Variants in PTPRD observed in about 807,000 individuals in gnomAD.
PTPRD encodes the protein receptor-type tyrosine-protein phosphatase delta.
PTPRD carries 34 observed loss-of-function variants against 214.5 expected under a neutral mutation model. The ratio of observed to expected loss-of-function variants is 0.16; its 90% confidence interval spans 0.12 to 0.21. The LOEUF (loss-of-function observed/expected upper bound fraction) is 0.21, where lower values mean the gene tolerates loss of function less well. Among genes scored for constraint, PTPRD ranks in the 10% least tolerant of loss-of-function variants. The pLI, the probability that PTPRD is intolerant of heterozygous loss-of-function variation, is 1.00. For missense variants in PTPRD, 2,545 were observed against 2,398.7 expected, an observed-to-expected ratio of 1.06 and a Z score of -1.27; for synonymous variants, 1,128 against 845.7, an observed-to-expected ratio of 1.33 and a Z score of -5.79.
chr9:8,866,475 TTAA>T (rs1555453354), intron 11 of PTPRD, among the ~76,000 whole-genome samples: 4 of 152,124 alleles, frequency 2.6e-5, no homozygotes, highest in Non-Finnish European at 5.9e-5. Flanking sequence ...TGCTGCCCAA[TTAA>T]CCTTAATAAA....
intron 3 of PTPRD, among the ~76,000 whole-genome samples, chr9:10,278,052 C>T (rs550947663): frequency 2.6e-5 from 4 of 151,760 alleles, no homozygotes; most frequent in South Asian, 2.1e-4. Context: ...CCCAGCTACT[C>T]GGGAGGCTGA....
chr9:10,262,193 A>G lies in PTPRD; in HGVS notation c.-545+78770T>C, dbSNP rs538102226. ...AAATTAAAAGAAAAATTAAAAAAAA[A>G]TTAATTTGTGCTTTTCAAGAAATGG... On this transcript the variant is annotated intron_variant, in intron 3 of 45. Coordinates refer to ENST00000381196, the MANE Select transcript of PTPRD (RefSeq NM_002839.4). Among the ~76,000 whole-genome samples, 17 of 152,278 alleles carry G rather than the reference A, an allele frequency of 1.1e-4. 1 individual carries two copies. Among genetic ancestry groups the G allele is most frequent in the Admixed American group, 1.1e-3 (17 of 15,306 alleles).
chr9:10,604,927 A>G (rs1489473494), intron 2 of PTPRD, among the ~76,000 whole-genome samples: 1 of 151,868 alleles, frequency 6.6e-6, no homozygotes, highest in Non-Finnish European at 1.5e-5. Flanking sequence ...CTGTTTTTCA[A>G]AAGTTCCTGC....
At chr9:9,812,598 A>C (rs1429728970) in intron 5 of PTPRD, among the ~76,000 whole-genome samples, 1 of 151,432 alleles carries the variant, frequency 6.6e-6, no homozygotes, top group Non-Finnish European at 1.5e-5. Context: ...TAAAGGAATC[A>C]ATTCATCAAA....
chr9:9,744,067 C>T (rs576413522), intron 6 of PTPRD, among the ~76,000 whole-genome samples: 39 of 152,126 alleles, frequency 2.6e-4, no homozygotes, highest in African/African-American at 8.2e-4. Flanking sequence ...AACTTAACAG[C>T]GTTTCTTTAA....
intron 11 of PTPRD, among the ~76,000 whole-genome samples, chr9:8,940,407 C>T (rs1372387878): frequency 1.7e-4 from 25 of 148,296 alleles, no homozygotes; most frequent in Non-Finnish European, 2.7e-4. Flanking sequence ...CTCAGCCTCC[C>T]GAGAAGCTGG....
At chr9:9,980,612 AAAAAAC>A (rs1418595357) in intron 4 of PTPRD, among the ~76,000 whole-genome samples, 2 of 20,808 alleles carry the variant, frequency 9.6e-5, no homozygotes, top group Non-Finnish European at 2.7e-4. Flanking sequence ...CCTTGTCAAA[AAAAAAC>A]AAAAAAAAAA....
At chr9:9,991,945 A>C (rs560443450) in intron 4 of PTPRD, among the ~76,000 whole-genome samples, 1 of 152,136 alleles carries the variant, frequency 6.6e-6, no homozygotes, top group African/African-American at 2.4e-5. Flanking sequence ...AATAAAAAGG[A>C]GTGAAGTACT....
Position 8,485,974 on chromosome 9 carries a change from T to C in PTPRD, c.2843A>G (p.Asn948Ser), listed in dbSNP as rs184229513. 2.5e-6 allele frequency: 4 copies of C among 1,614,172 alleles called. No homozygotes were observed. The Admixed American group carries it at 6.7e-5, about 27-fold the overall frequency. Residue 948 changes from asparagine to serine, a missense_variant, in exon 28 of 46, where the codon AAT becomes AGT. Transcript: ENST00000381196. The part of the protein sequence containing the change: ...SWQPPVLAER[N>S]GIITKYTLLY... Reference sequence around the variant, plus strand: ...AAGGGTATACTTGGTGATAATGCCATTTCTCTCTGCCAGGACAGGTGGTTG... The same window carrying C: ...AAGGGTATACTTGGTGATAATGCCACTTCTCTCTGCCAGGACAGGTGGTTG...
At chr9:8,454,277 A>C (rs2096086944) in intron 33 of PTPRD, among the ~76,000 whole-genome samples, 3 of 152,232 alleles carry the variant, frequency 2.0e-5, no homozygotes, top group African/African-American at 7.2e-5. Context: ...CTGCTCTGTA[A>C]ACACATCAAC....
chr9:10,604,069 CAT>C (rs1252051118), intron 2 of PTPRD, among the ~76,000 whole-genome samples: 1 of 151,626 alleles, frequency 6.6e-6, no homozygotes, highest in Non-Finnish European at 1.5e-5. Context: ...AGTTAAAAAA[CAT>C]AGGCAGAAGA....
chr9:8,938,299 G>C (rs369567891), intron 11 of PTPRD, among the ~76,000 whole-genome samples: 1 of 151,692 alleles, frequency 6.6e-6, no homozygotes, highest in Non-Finnish European at 1.5e-5. Flanking sequence ...GAAGAGAGGA[G>C]GGAGAAGAGA....
chr9:9,684,641 G>A (rs984698115), intron 7 of PTPRD, among the ~76,000 whole-genome samples: 4 of 151,410 alleles, frequency 2.6e-5, no homozygotes, highest in African/African-American at 7.3e-5. Context: ...TTTTTTGTTA[G>A]CAATAGACAA....
rs2099922676 is a variant in PTPRD, at chr9:9,173,409, A to G, written c.-143+9895T>C. On this transcript the variant is annotated intron_variant, in intron 10 of 45. Transcript: ENST00000381196. ...ATTTGTACTGGTTGGGTCATGGGTC[A>G]CTTAACACTGGGGATACATTCTGAT... Among the ~76,000 whole-genome samples, 3 of 152,258 alleles carry G rather than the reference A, an allele frequency of 2.0e-5. No homozygotes were observed. The South Asian group carries it at 6.2e-4, about 32-fold the overall frequency.
chr9:9,370,157 G>T (rs1385198789), intron 9 of PTPRD, among the ~76,000 whole-genome samples: 1 of 152,072 alleles, frequency 6.6e-6, no homozygotes, highest in Non-Finnish European at 1.5e-5. Flanking sequence ...GAAAGTCATT[G>T]GTAGCTTGAT....
At chr9:10,449,716 C>T (rs2098826582) in intron 2 of PTPRD, among the ~76,000 whole-genome samples, 1 of 146,720 alleles carries the variant, frequency 6.8e-6, no homozygotes, top group Admixed American at 6.7e-5. Flanking sequence ...GCCCCTCTGC[C>T]CGGCAGCCAC....
chr9:9,638,645 T>A (rs1013652567), intron 7 of PTPRD, among the ~76,000 whole-genome samples: 1 of 152,190 alleles, frequency 6.6e-6, no homozygotes, highest in Non-Finnish European at 1.5e-5. Context: ...CCAGCCTCTA[T>A]CCATTACCTA....
intron 33 of PTPRD, chr9:8,454,442 G>T: frequency 1.3e-6 from 1 of 770,296 alleles, no homozygotes; most frequent in Non-Finnish European, 2.2e-6. Flanking sequence ...CTGTGTATAT[G>T]TAGGCTTTGC....
intron 10 of PTPRD, among the ~76,000 whole-genome samples, chr9:9,136,413 TACAA>T (rs1368774318): frequency 6.6e-6 from 1 of 152,092 alleles, no homozygotes; most frequent in African/African-American, 2.4e-5. Context: ...TTAAACAAAA[TACAA>T]ACACTTTCAA....
Sources: allele counts gnomAD v4.1 joint callset (sites outside exome capture counted in the v4.1 genomes callset), GRCh38; gene constraint gnomAD v4.1.1; transcripts MANE v1.5; gene names NCBI Gene and HGNC (gene_info 2026-07-23, HGNC 2026-07-21).